The following APPL2 variants were observed in gnomAD, a reference collection of about 807,000 sequenced individuals.
The protein encoded by APPL2 is adaptor protein, phosphotyrosine interacting with PH domain and leucine zipper 2, also known as DCC-interacting protein 13-beta.
In APPL2, 84 loss-of-function variants were observed where a neutral mutation model predicts 92.7. The ratio of observed to expected loss-of-function variants is 0.91; its 90% CI spans 0.76 to 1.09. The LOEUF is 1.09. Among genes scored for constraint, APPL2 ranks in the 50% least tolerant of loss-of-function variants. The pLI is 0.00. For synonymous variants in APPL2, 291 were observed against 291.0 expected, an observed-to-expected ratio of 1.00 and a Z score of 0.00; for missense variants, 736 against 824.5, an observed-to-expected ratio of 0.89 and a Z score of 1.31.
intron 14 of APPL2, among the ~76,000 whole-genome samples, chr12:105,192,687 C>A (rs957012707): frequency 6.6e-6 from 1 of 152,184 alleles, no homozygotes; most frequent in African/African-American, 2.4e-5. Flanking sequence ...CCTCTTCACC[C>A]TCCATGACAG....
Position 105,207,998 on chromosome 12 carries a change from C to A in APPL2, c.447G>T (p.Arg149Ser). The change falls in exon 7 of 21, where the codon AGG (arginine) becomes AGT (serine). Residue 149 changes from arginine to serine, a missense_variant. Coordinates refer to ENST00000258530, the MANE Select transcript of APPL2 (RefSeq NM_018171.5). ...EHDLSMAKYS[R>S]LPKKKENEKV... ...TCTCATTCTCCTTTTTCTTAGGCAG[C>A]CTGCTGTATTTTGCCATTGAGAGGT... 3 of 1,614,054 alleles carry A rather than the reference C, an allele frequency of 1.9e-6. No individual in the cohort carries two copies. Among genetic ancestry groups the A allele is most frequent in the Non-Finnish European group, 2.5e-6 (3 of 1,179,952 alleles).
intron 2 of APPL2, among the ~76,000 whole-genome samples, chr12:105,224,974 G>A (rs149284909): frequency 1.3e-3 from 192 of 152,062 alleles, no homozygotes; most frequent in African/African-American, 4.3e-3. Flanking sequence ...CCTCCAATTC[G>A]GGCTTCTAGG....
At chr12:105,203,911 G>GGCA in intron 8 of APPL2, 126 bp from the exon 9 acceptor site, 2 of 737,686 alleles carry the variant, frequency 2.7e-6, no homozygotes, top group Non-Finnish European at 4.7e-6. Flanking sequence ...ACGCGGCACT[G>GGCA]GCAGCATCTC....
chr12:105,220,335 C>T (rs760926555), intron 2 of APPL2, among the ~76,000 whole-genome samples: 6 of 152,154 alleles, frequency 3.9e-5, no homozygotes, highest in Non-Finnish European at 5.9e-5. Context: ...CTTTGTAGCA[C>T]AAAAGAAGCC....
Position 105,174,055 on chromosome 12 carries a change from A to G in APPL2, c.*259T>C, listed in dbSNP as rs1885235973. On this transcript the variant is annotated 3_prime_UTR_variant, in exon 21 of 21. Coordinates refer to ENST00000258530, the MANE Select transcript of APPL2 (RefSeq NM_018171.5). ...CAAACTTTTGTTCTGAGCGCTGAAC[A>G]ATCTAAGAAATTTTAGCGCAATCTA... is the stretch of plus-strand genomic sequence containing the variant. The G allele has an allele frequency of 5.7e-6, 2 of 352,166 alleles. No individual in the cohort carries two copies. The highest frequency in any genetic ancestry group is 1.0e-5 in the Non-Finnish European group (2 of 198,794). The allele number at this position is 352,166 out of a possible 1,614,324, so 21.8% of individuals were successfully genotyped here.
intron 17 of APPL2, among the ~76,000 whole-genome samples, chr12:105,179,739 T>C (rs1480861378): frequency 6.6e-6 from 1 of 152,250 alleles, no homozygotes; most frequent in Admixed American, 6.5e-5. Flanking sequence ...CCAGTGATGA[T>C]GAGCTTTTTT....
At chr12:105,190,297 C>A in intron 14 of APPL2, 142 bp from the exon 15 acceptor site, 2 of 969,584 alleles carry the variant, frequency 2.1e-6, no homozygotes, top group South Asian at 1.7e-5. Context: ...TACAAATAAA[C>A]CTTCTTCAAA....
At position 105,207,206 on chromosome 12, in the gene APPL2, A is replaced by G; in HGVS notation, c.476T>C (p.Val159Ala). Residue 159 changes from valine to alanine, a missense_variant and splice_region_variant, in exon 8 of 21, where the codon GTG becomes GCG. Coordinates refer to ENST00000258530, the MANE Select transcript of APPL2 (RefSeq NM_018171.5). ...CACCTCTTTTCCGACTTCGGTCTTC[A>G]CCTGGTTAAAAGGTGAAAGGAAAAC... ...RLPKKKENEK[V>A]KTEVGKEVAA... is the part of the protein sequence containing the mutation. 6.2e-7 allele frequency: 1 copy of G among 1,612,150 alleles called. No homozygotes were observed.
chr12:105,184,096 T>G (rs981322924), intron 17 of APPL2, among the ~76,000 whole-genome samples: 2 of 152,226 alleles, frequency 1.3e-5, no homozygotes, highest in Non-Finnish European at 2.9e-5. Context: ...GTGCTGTGTT[T>G]TTCATCTCCA....
chr12:105,189,315 G>GC, intron 16 of APPL2, among the ~76,000 whole-genome samples: 1 of 152,320 alleles, frequency 6.6e-6, no homozygotes, highest in South Asian at 2.1e-4. Context: ...ACAGGCGTGA[G>GC]CCAGCGTGCC....
intron 9 of APPL2, among the ~76,000 whole-genome samples, chr12:105,201,011 C>T (rs1592791691): frequency 6.6e-6 from 1 of 152,094 alleles, no homozygotes; most frequent in Non-Finnish European, 1.5e-5. Context: ...TGGGTTCAAG[C>T]GATTCCCATG....
chr12:105,189,604 T>TA (rs1469349318), intron 16 of APPL2, among the ~76,000 whole-genome samples, 168 bp downstream of exon 16: 1 of 152,232 alleles, frequency 6.6e-6, no homozygotes, highest in Non-Finnish European at 1.5e-5. Context: ...CCTCAGTTTT[T>TA]ATCCAAGACT....
At chr12:105,195,234 G>A in intron 14 of APPL2, 27 bp downstream of exon 14, 1 of 1,608,702 alleles carries the variant, frequency 6.2e-7, no homozygotes, top group Non-Finnish European at 8.5e-7. Context: ...CTCCACAAAA[G>A]CTAGTTTTTC....
At chr12:105,195,960 T>TGGGAGGATC (rs938089025) in intron 11 of APPL2, among the ~76,000 whole-genome samples, 6 of 147,342 alleles carry the variant, frequency 4.1e-5, no homozygotes, top group African/African-American at 1.5e-4. Flanking sequence ...GAGGCTGAAG[T>TGGGAGGATC]GGGAGGATCG....
intron 17 of APPL2, among the ~76,000 whole-genome samples, chr12:105,179,356 T>C (rs1885885618): frequency 6.6e-6 from 1 of 152,226 alleles, no homozygotes; most frequent in Non-Finnish European, 1.5e-5. Context: ...TTGGTGTATA[T>C]GTGCCACATT....
At chr12:105,229,722 T>C (rs1268313768) in intron 1 of APPL2, 45 of 986,560 alleles carry the variant, frequency 4.6e-5, no homozygotes, top group Non-Finnish European at 5.3e-5. Context: ...TGCAGGAGTG[T>C]AGGAGTGTGT....
At chr12:105,222,817 G>A (rs571990049) in intron 2 of APPL2, among the ~76,000 whole-genome samples, 14 of 152,320 alleles carry the variant, frequency 9.2e-5, no homozygotes, top group South Asian at 8.3e-4. Flanking sequence ...GCACACTGGC[G>A]AAGGGCAATG....
intron 1 of APPL2, chr12:105,233,394 A>T (rs778688030): frequency 3.4e-4 from 339 of 985,364 alleles, no homozygotes; most frequent in Non-Finnish European, 3.9e-4. Context: ...ATGCACACAG[A>T]CTAGTTTTAC....
intron 2 of APPL2, among the ~76,000 whole-genome samples, chr12:105,221,668 T>C (rs1458445443): frequency 6.6e-6 from 1 of 152,108 alleles, no homozygotes; most frequent in African/African-American, 2.4e-5. Context: ...TGAGCAGCAT[T>C]GTTTTGGGCA....
Sources: allele counts gnomAD v4.1 joint callset (sites outside exome capture counted in the v4.1 genomes callset), GRCh38; gene constraint gnomAD v4.1.1; transcripts MANE v1.5; gene names NCBI Gene and HGNC (gene_info 2026-07-23, HGNC 2026-07-21).